The following PDE6G variants were observed in gnomAD, a reference collection of about 807,000 sequenced individuals.
PDE6G encodes the protein phosphodiesterase 6G.
PDE6G carries 10 observed loss-of-function variants against 10.9 expected under a neutral mutation model. That is an observed-to-expected ratio of 0.91 (90% confidence interval 0.56 to 1.55). The LOEUF is 1.55. PDE6G is among the 40% of genes most tolerant of loss of function. The probability of loss-of-function intolerance (pLI) is 0.00; values close to 1 mark genes in which losing one functional copy is unlikely to be tolerated. For synonymous variants in PDE6G, 41 were observed against 42.8 expected (o/e 0.96, Z 0.16); for missense variants, 102 against 110.1 (o/e 0.93, Z 0.33).
Position 81,653,182 on chromosome 17 carries a change from G to T in PDE6G, c.124C>A (p.Pro42Thr). The change falls in exon 2 of 4, where the codon CCC becomes ACC. Residue 42 changes from proline (P) to threonine (T), a missense_variant. Pro to Thr is a conservative substitution (Grantham distance 38). Coordinates refer to ENST00000331056, the MANE Select transcript of PDE6G (RefSeq NM_002602.4). The surrounding 1 kb of genome is among the most constrained non-coding windows in gnomAD (Gnocchi z 5.2). ...QRQTRQFKSK[P>T]PKKGVQGFGD... ...TACCCTTGAACGCCTTTCTTTGGGG[G>T]CTTGCTCTTGAACTGCCTGGTCTGT... 1 of 1,614,098 alleles carries T rather than the reference G, an allele frequency of 6.2e-7. No individual in the cohort carries two copies. The highest frequency in any genetic ancestry group is 8.5e-7 in the Non-Finnish European group (1 of 1,180,002).
upstream of PDE6G, among the ~76,000 whole-genome samples, chr17:81,658,057 T>A (rs1022028443): frequency 2.0e-5 from 3 of 150,472 alleles, no homozygotes; most frequent in Admixed American, 6.6e-5. Flanking sequence ...ATAGAAAAAA[T>A]TAGCTAGGTG....
intron 1 of PDE6G, among the ~76,000 whole-genome samples, chr17:81,662,454 C>T (rs1048359274): frequency 6.6e-6 from 1 of 152,170 alleles, no homozygotes; most frequent in African/African-American, 2.4e-5. Context: ...AAAACCACGT[C>T]TCTACTAAAA....
At chr17:81,652,566 C>T (rs762402107) in intron 2 of PDE6G, among the ~76,000 whole-genome samples, 9 of 151,864 alleles carry the variant, frequency 5.9e-5, no homozygotes, top group African/African-American at 9.7e-5. Flanking sequence ...CATGAGCCAC[C>T]GCCCCCGGCC....
upstream of PDE6G, chr17:81,656,693 G>A: frequency 1.4e-6 from 1 of 699,184 alleles, no homozygotes. Context: ...TGCTGTCAAG[G>A]GCTCCAAGGA....
rs1430940818 is a variant in PDE6G, at chr17:81,653,477, T to C, written c.-59-113A>G. 1 of 700,758 alleles carries C rather than the reference T, an allele frequency of 1.4e-6. No individual in the cohort carries two copies. The highest frequency in any genetic ancestry group is 1.8e-5 in the African/African-American group (1 of 55,936). The allele number at this position is 700,758 out of a possible 1,614,324, so 43.4% of individuals were successfully genotyped here. ...CCCAGCCCCGCCAGCTCCAGCGTCA[T>C]CCAGACAGCAGCCCCTGCAATCCGC... On this transcript the variant is annotated intron_variant, in intron 1 of 3. Coordinates refer to ENST00000331056, the MANE Select transcript of PDE6G (RefSeq NM_002602.4). The surrounding 1 kb of genome is among the most constrained non-coding windows in gnomAD (Gnocchi z 5.2).
intron 1 of PDE6G, among the ~76,000 whole-genome samples, 191 bp downstream of exon 1, chr17:81,656,302 G>C (rs941044108): frequency 6.6e-6 from 1 of 152,230 alleles, no homozygotes; most frequent in South Asian, 2.1e-4. Context: ...CCATGGGGGA[G>C]CAGAGGAGGA....
intron 2 of PDE6G, among the ~76,000 whole-genome samples, 200 bp downstream of exon 2, chr17:81,652,960 G>A (rs1023361991): frequency 1.3e-4 from 19 of 151,960 alleles, no homozygotes; most frequent in Non-Finnish European, 1.8e-4. Flanking sequence ...ATCTGGAGCG[G>A]GTGACAGGAG....
At position 81,651,978 on chromosome 17, in the gene PDE6G, C is replaced by T. The variant is rs570430187; in HGVS notation, c.147-293G>A. 2.8e-3 allele frequency among the ~76,000 whole-genome samples: 433 copies of T among 152,198 alleles called. 6 individuals carry two copies. Among genetic ancestry groups the T allele is most frequent in the African/African-American group, 0.01 (417 of 41,536 alleles). ...TGCCCTGGGGGAGTACGGGGGGGTG[C>T]GTGGTTGGTGCATGGTCTGAGTGTA... On this transcript the variant is annotated intron_variant, in intron 2 of 3. Transcript: ENST00000331056. This position sits in a 1 kb window ranked among gnomAD's most constrained non-coding sequence, Gnocchi z 4.8.
upstream of PDE6G, chr17:81,656,928 C>A: frequency 2.6e-6 from 1 of 388,724 alleles, no homozygotes. Flanking sequence ...TCACATCTCA[C>A]CCCTCCCACC....
upstream of PDE6G, chr17:81,656,926 C>G: frequency 2.6e-6 from 1 of 391,586 alleles, no homozygotes; most frequent in Non-Finnish European, 4.8e-6. Context: ...CCTCACATCT[C>G]ACCCCTCCCA....
At position 81,651,281 on chromosome 17, in the gene PDE6G, A is replaced by C. The variant is rs2144396441; in HGVS notation, c.188-131T>G. 4.3e-6 allele frequency: 3 copies of C among 692,352 alleles called. No individual in the cohort carries two copies. The South Asian group carries it at 4.6e-5, about 11-fold the overall frequency. The allele number at this position is 692,352 out of a possible 1,614,324, so 42.9% of individuals were successfully genotyped here. A position where few individuals can be genotyped will look rare whatever the true frequency, so the allele number is the denominator to read the frequency against. On this transcript the variant is annotated intron_variant, in intron 3 of 3. Transcript: ENST00000331056. The surrounding 1 kb of genome is among the most constrained non-coding windows in gnomAD (Gnocchi z 4.8). ...CTGAGCGGGGACGTGCGGACGCTGG[A>C]GTGGGGCCCTCCTCTGGGGACACAC... is the stretch of plus-strand genomic sequence containing the variant.
In PDE6G at chr17:81,651,923, G is replaced by A. The variant is rs1288103060; in HGVS notation, c.147-238C>T. Among the ~76,000 whole-genome samples, 2 of 152,232 alleles carry A rather than the reference G, an allele frequency of 1.3e-5. No individual in the cohort carries two copies. Among genetic ancestry groups the A allele is most frequent in the Admixed American group, 1.3e-4 (2 of 15,290 alleles). ...ATGGGGCTGAGGCCTAGAAAAGGAG[G>A]TGCAAGTCCCAGGATGCTGGGCAGG... On this transcript the variant is annotated intron_variant, in intron 2 of 3. Coordinates refer to ENST00000331056, the MANE Select transcript of PDE6G (RefSeq NM_002602.4). This position sits in a 1 kb window ranked among gnomAD's most constrained non-coding sequence, Gnocchi z 4.8.
Position 81,651,258 on chromosome 17 carries a change from G to T in PDE6G, c.188-108C>A. On this transcript the variant is annotated intron_variant, in intron 3 of 3. Coordinates refer to ENST00000331056, the MANE Select transcript of PDE6G (RefSeq NM_002602.4). This position sits in a 1 kb window ranked among gnomAD's most constrained non-coding sequence, Gnocchi z 4.8. ...CCCAGGTGTAGCCCTACAGTGTGCT[G>T]AGCGGGGACGTGCGGACGCTGGAGT... 2.4e-6 allele frequency: 2 copies of T among 822,282 alleles called. No individual in the cohort carries two copies. Among genetic ancestry groups the T allele is most frequent in the Non-Finnish European group, 4.1e-6 (2 of 483,570 alleles). 50.9% of individuals were successfully genotyped at this position (822,282 alleles called of 1,614,324 possible).
Position 81,653,090 on chromosome 17 carries a change from C to T in PDE6G, c.146+70G>A. 1.3e-6 allele frequency: 2 copies of T among 1,571,214 alleles called. No individual in the cohort carries two copies. Among genetic ancestry groups the T allele is most frequent in the African/African-American group, 1.3e-5 (1 of 74,194 alleles). On this transcript the variant is annotated intron_variant, in intron 2 of 3. Coordinates refer to ENST00000331056, the MANE Select transcript of PDE6G (RefSeq NM_002602.4). The surrounding 1 kb of genome is among the most constrained non-coding windows in gnomAD (Gnocchi z 5.2). ...GAAGTGGCCCCAGGCTCTGCCCCGC[C>T]CTCCCCTTCCTGTGCAGCCTCAGGA...
chr17:81,651,656 C>A lies in PDE6G; in HGVS notation c.176G>T (p.Gly59Val), dbSNP rs779525290. ...GFGDDIPGME[G>V]LGTDITVICP... ...GGCAGCCGTCATACCTGTTCCCAGG[C>A]CTTCCATTCCAGGGATGTCGTCCCC... The change falls in exon 3 of 4, where the codon GGC becomes GTC. Residue 59 changes from glycine to valine, a missense_variant. Gly to Val is a moderately radical substitution (Grantham distance 109). Transcript: ENST00000331056. The surrounding 1 kb of genome is among the most constrained non-coding windows in gnomAD (Gnocchi z 4.8). The A allele has an allele frequency of 8.7e-6, 14 of 1,613,920 alleles. No homozygotes were observed. Among genetic ancestry groups the A allele is most frequent in the Admixed American group, 1.7e-5 (1 of 60,008 alleles).
chr17:81,662,871 C>T (rs983912457), intron 1 of PDE6G, among the ~76,000 whole-genome samples: 6 of 152,110 alleles, frequency 3.9e-5, no homozygotes, highest in African/African-American at 9.7e-5. Context: ...TGGTGGCACG[C>T]GCCTGTAGTC....
At position 81,651,556 on chromosome 17, in the gene PDE6G, C is replaced by T; in HGVS notation, c.187+89G>A. On this transcript the variant is annotated intron_variant, in intron 3 of 3. Transcript: ENST00000331056. This position sits in a 1 kb window ranked among gnomAD's most constrained non-coding sequence, Gnocchi z 4.8. ...AAGTGAAAAGCAGGGGAGGTGGGGG[C>T]CGAGGTGGGCTGCAATGGGCCCCGG... 1 of 1,219,280 alleles carries T rather than the reference C, an allele frequency of 8.2e-7. No individual in the cohort carries two copies. The highest frequency in any genetic ancestry group is 1.2e-6 in the Non-Finnish European group (1 of 823,568). 75.5% of individuals were successfully genotyped at this position (1,219,280 alleles called of 1,614,324 possible).
chr17:81,656,986 C>CCG (rs1555693748), upstream of PDE6G: 38 of 270,026 alleles, frequency 1.4e-4, no homozygotes, highest in African/African-American at 7.7e-4. Flanking sequence ...AGGACCCCCC[C>CCG]CCGCCCTTAG....
chr17:81,651,436 C>T lies in PDE6G; in HGVS notation c.187+209G>A, dbSNP rs998671959. Among the ~76,000 whole-genome samples, 2 of 151,956 alleles carry T rather than the reference C, an allele frequency of 1.3e-5. No homozygotes were observed. The highest frequency in any genetic ancestry group is 4.8e-5 in the African/African-American group (2 of 41,346). ...CCCAAACCCCTCCCCTCACCTGGTG[C>T]AAGTGTCCCAAATGGGGACAGCCCC... On this transcript the variant is annotated intron_variant, in intron 3 of 3. Coordinates refer to ENST00000331056, the MANE Select transcript of PDE6G (RefSeq NM_002602.4). This position sits in a 1 kb window ranked among gnomAD's most constrained non-coding sequence, Gnocchi z 4.8.
Sources: gnomAD v4.1 joint callset for allele counts (sites outside exome capture counted in the v4.1 genomes callset) on GRCh38, gnomAD v4.1.1 for gene constraint, Gnocchi (gnomAD v3.1) non-coding constraint, MANE v1.5 for transcripts, NCBI Gene and HGNC (gene_info 2026-07-23, HGNC 2026-07-21) for gene names.